The following DENND2B variants were observed in gnomAD, a reference collection of about 807,000 sequenced individuals.
DENND2B encodes the protein DENN domain containing 2B.
In DENND2B, 32 loss-of-function variants were observed where a neutral mutation model predicts 116.0. The ratio of observed to expected loss-of-function variants is 0.28; its 90% CI spans 0.21 to 0.37. DENND2B has a LOEUF of 0.37. Among genes scored for constraint, DENND2B ranks in the 10% least tolerant of loss-of-function variants. The probability of loss-of-function intolerance (pLI) is 1.00; values close to 1 mark genes in which losing one functional copy is unlikely to be tolerated. For synonymous variants in DENND2B, 588 were observed against 583.9 expected (o/e 1.01, Z -0.10); for missense variants, 1,276 against 1,477.7 (o/e 0.86, Z 2.24).
At chr11:8,851,495 T>G (rs1254168173) in intron 3 of DENND2B, among the ~76,000 whole-genome samples, 1 of 152,212 alleles carries the variant, frequency 6.6e-6, no homozygotes, top group Non-Finnish European at 1.5e-5. Flanking sequence ...TCATTCTTTT[T>G]AGTTTGGCAA....
intron 4 of DENND2B, among the ~76,000 whole-genome samples, chr11:8,829,931 C>A (rs918802987): frequency 6.6e-6 from 1 of 152,200 alleles, no homozygotes; most frequent in Non-Finnish European, 1.5e-5. Context: ...TTAGCTCTCA[C>A]AGGTCAGAAA....
At chr11:8,810,798 T>TCTCTCTCTCTCTCTCTCTCTCTC (rs1247782848), upstream of DENND2B, 1 of 134,760 alleles carries the variant, frequency 7.4e-6, no homozygotes, top group African/African-American at 3.3e-5. Context: ...TTTTCTTTCT[T>TCTCTCTCTCTCTCTCTCTCTCTC]TCTCACTGTC....
At chr11:8,801,775 G>A (rs996091854) in intron 1 of DENND2B, among the ~76,000 whole-genome samples, 10 of 148,516 alleles carry the variant, frequency 6.7e-5, no homozygotes, top group Non-Finnish European at 1.2e-4. Flanking sequence ...AAGCCGAGGT[G>A]GGCGGATCAC....
intron 2 of DENND2B, among the ~76,000 whole-genome samples, chr11:8,747,527 C>G (rs1293752664): frequency 2.6e-5 from 4 of 152,196 alleles, no homozygotes; most frequent in Non-Finnish European, 4.4e-5. Context: ...AGTCCCACCC[C>G]AGGTCATCAA....
chr11:8,890,811 C>A (rs1277015232), intron 1 of DENND2B, among the ~76,000 whole-genome samples: 2 of 152,174 alleles, frequency 1.3e-5, no homozygotes, highest in Non-Finnish European at 2.9e-5. Flanking sequence ...AGTTGGAAAA[C>A]ACTCTGCAGG....
chr11:8,889,407 G>C (rs2063999171), intron 1 of DENND2B, among the ~76,000 whole-genome samples: 1 of 152,198 alleles, frequency 6.6e-6, no homozygotes, highest in Non-Finnish European at 1.5e-5. Context: ...CAGTACAGTG[G>C]GTGCAGCCCA....
chr11:8,727,343 C>T (rs1212023305), intron 3 of DENND2B, among the ~76,000 whole-genome samples: 1 of 152,154 alleles, frequency 6.6e-6, no homozygotes. Context: ...TTGTTCTTAG[C>T]TTGCCTGCCC....
At chr11:8,909,126 T>C (rs892736584) in intron 1 of DENND2B, among the ~76,000 whole-genome samples, 6 of 152,108 alleles carry the variant, frequency 3.9e-5, no homozygotes, top group East Asian at 1.9e-4. Flanking sequence ...TCCCCAGATA[T>C]AGAGATGAGG....
In DENND2B at chr11:8,730,375, G is replaced by A. The variant is rs764201010; in HGVS notation, c.915C>T (p.Ser305=). Residue 305 remains serine (S), a synonymous_variant, in exon 3 of 20, where the codon AGC becomes AGT. Coordinates refer to ENST00000313726, the MANE Select transcript of DENND2B (RefSeq NM_213618.2). The surrounding 1 kb of genome is among the most constrained non-coding windows in gnomAD (Gnocchi z 4.1). ...TCCCCCGGTCCACGCTGTAGCAGCT[G>A]CTGGGGAGCTGGGGGAGCCCCCGGC... ...QPGRGLPQLP[S]SCYSVDRGKR... is the part of the protein sequence containing the mutation. 2 of 1,604,428 alleles carry A rather than the reference G, an allele frequency of 1.2e-6. No individual in the cohort carries two copies. The highest frequency in any genetic ancestry group is 1.7e-5 in the Admixed American group (1 of 59,980).
At chr11:8,710,193 G>C (rs1245476210) in intron 11 of DENND2B, among the ~76,000 whole-genome samples, 1 of 152,166 alleles carries the variant, frequency 6.6e-6, no homozygotes, top group Non-Finnish European at 1.5e-5. Flanking sequence ...AGTGCAGCAG[G>C]GGCCAGGCTC....
At chr11:8,789,788 A>T (rs1444738105) in intron 1 of DENND2B, among the ~76,000 whole-genome samples, 2 of 152,188 alleles carry the variant, frequency 1.3e-5, no homozygotes, top group African/African-American at 4.8e-5. Flanking sequence ...AAAATAAAAA[A>T]ATAAAAAAAT....
intron 2 of DENND2B, among the ~76,000 whole-genome samples, chr11:8,859,762 C>T (rs1385751336): frequency 1.3e-5 from 2 of 152,146 alleles, no homozygotes; most frequent in African/African-American, 4.8e-5. Context: ...CCCACTACCC[C>T]CACTACCCTA....
At chr11:8,813,795 T>C (rs1337241350), upstream of DENND2B, among the ~76,000 whole-genome samples, 8 of 152,090 alleles carry the variant, frequency 5.3e-5, no homozygotes, top group African/African-American at 1.9e-4. Context: ...TGGAGGTTCC[T>C]TAGGGCCTTG....
In DENND2B at chr11:8,708,229, G is replaced by A. The variant is rs1203053433; in HGVS notation, c.2353-375C>T. 9.0e-6 allele frequency: 11 copies of A among 1,223,498 alleles called. No individual in the cohort carries two copies. The Admixed American group carries it at 3.1e-4, about 35-fold the overall frequency. 75.8% of individuals were successfully genotyped at this position (1,223,498 alleles called of 1,614,324 possible). A position where few individuals can be genotyped will look rare whatever the true frequency, so the allele number is the denominator to read the frequency against. Reference sequence around the variant, plus strand: ...ACCCCAGCAGATGGGAAGGACTAGGGTACATCCTTAGGACAAGCCATTGTA... The same window carrying A: ...ACCCCAGCAGATGGGAAGGACTAGGATACATCCTTAGGACAAGCCATTGTA... On this transcript the variant is annotated intron_variant, in intron 11 of 19. Coordinates refer to ENST00000313726, the MANE Select transcript of DENND2B (RefSeq NM_213618.2).
intron 2 of DENND2B, among the ~76,000 whole-genome samples, chr11:8,862,385 A>C (rs1474443632): frequency 1.6e-5 from 2 of 128,504 alleles, no homozygotes; most frequent in Non-Finnish European, 3.1e-5. Flanking sequence ...GCTGGAGGTC[A>C]GTGCCACAGT....
intron 3 of DENND2B, among the ~76,000 whole-genome samples, chr11:8,843,016 T>C (rs562504098): frequency 7.0e-6 from 1 of 141,892 alleles, no homozygotes; most frequent in Non-Finnish European, 1.5e-5. Flanking sequence ...GTTGCTCTTC[T>C]TTTCTCTCTT....
At chr11:8,804,152 G>A (rs995796804) in intron 1 of DENND2B, among the ~76,000 whole-genome samples, 1 of 152,212 alleles carries the variant, frequency 6.6e-6, no homozygotes, top group Non-Finnish European at 1.5e-5. Flanking sequence ...TCTCCAGTGT[G>A]GGCGGCTGCC....
intron 4 of DENND2B, among the ~76,000 whole-genome samples, chr11:8,833,666 A>T (rs2062304560): frequency 6.6e-6 from 1 of 152,118 alleles, no homozygotes; most frequent in South Asian, 2.1e-4. Context: ...CCAAGCAAAG[A>T]CCTTGGCTGC....
chr11:8,733,389 G>A (rs2048429725), intron 2 of DENND2B, among the ~76,000 whole-genome samples: 1 of 152,220 alleles, frequency 6.6e-6, no homozygotes, highest in Non-Finnish European at 1.5e-5. Flanking sequence ...TTTGACAGAG[G>A]ACAATTTCAT....
Sources: allele counts gnomAD v4.1 joint callset (sites outside exome capture counted in the v4.1 genomes callset), GRCh38; gene constraint gnomAD v4.1.1; non-coding constraint Gnocchi (gnomAD v3.1); transcripts MANE v1.5; gene names NCBI Gene and HGNC (gene_info 2026-07-23, HGNC 2026-07-21).